GABRR1: variants seen among roughly 807,000 people sequenced by gnomAD.
GABRR1 encodes gamma-aminobutyric acid type A receptor subunit rho1, also known as gamma-aminobutyric acid receptor subunit rho-1.
A neutral mutation model predicts 55.5 loss-of-function variants in GABRR1; 59 were observed. That is an observed-to-expected ratio of 1.06 (90% CI 0.86 to 1.32). The LOEUF is 1.32. Ranked by LOEUF, GABRR1 falls within the 40% of genes most tolerant of loss-of-function variation. The pLI is 0.00. For synonymous variants in GABRR1, 213 were observed against 226.0 expected (o/e 0.94, Z 0.51); for missense variants, 602 against 619.1 (o/e 0.97, Z 0.29).
Position 89,181,946 on chromosome 6 carries a change from A to T in GABRR1, c.908T>A (p.Phe303Tyr). 1 of 1,614,128 alleles carries T rather than the reference A, an allele frequency of 6.2e-7. No homozygotes were observed. Among genetic ancestry groups the T allele is most frequent in the South Asian group, 1.1e-5 (1 of 91,078 alleles). Reference sequence around the variant, plus strand: ...AGGCACGGCTCTGCGGTCGATCCAGAAGGACACCCAGGACAGCATGACCAT... The same window carrying T: ...AGGCACGGCTCTGCGGTCGATCCAGTAGGACACCCAGGACAGCATGACCAT... ...TLMVMLSWVS[F>Y]WIDRRAVPAR... The change falls in exon 8 of 10, where the codon TTC becomes TAC. Residue 303 changes from phenylalanine (F) to tyrosine (Y), a missense_variant. By Grantham distance (22) the Phe-to-Tyr change is conservative. This residue lies in a region of GABRR1 where 435 missense variants were observed against 424.2 expected (regional missense o/e 1.03). Transcript: ENST00000454853.
At chr6:89,220,380 T>C (rs566903419), upstream of GABRR1, among the ~76,000 whole-genome samples, 43 of 152,274 alleles carry the variant, frequency 2.8e-4, no homozygotes, top group South Asian at 6.0e-3. Context: ...ACTTCCTCCA[T>C]CCAGAAGTTC....
At chr6:89,184,866 C>T (rs979832830) in intron 7 of GABRR1, among the ~76,000 whole-genome samples, 9 of 148,320 alleles carry the variant, frequency 6.1e-5, no homozygotes, top group Non-Finnish European at 8.9e-5. Context: ...AGGATTTCTG[C>T]CTTTAGTTTC....
At chr6:89,185,488 G>A (rs364936) in intron 6 of GABRR1, 38 bp from the exon 7 acceptor site, 742,107 of 1,575,326 alleles carry the variant, frequency 0.47, 179,254 homozygotes, top group Middle Eastern at 0.54. Flanking sequence ...ACAAGGTGGT[G>A]GCAAGACAGG....
rs1272996157 is a variant in GABRR1, at chr6:89,229,300, T to C, written c.-411+1916A>G. Among the ~76,000 whole-genome samples the C allele has an allele frequency of 7.2e-5, 11 of 152,196 alleles. 1 individual carries two copies. The highest frequency in any genetic ancestry group is 2.6e-4 in the African/African-American group (11 of 41,526). On this transcript the variant is annotated intron_variant, in intron 1 of 11. Coordinates refer to the GABRR1 transcript ENST00000369451. ...ATTGTTATGTGTGAATTTGATCCTG[T>C]CATTATGATGTTAGCTGGTGATTTT...
At chr6:89,189,512 G>A (rs1021717213) in intron 6 of GABRR1, among the ~76,000 whole-genome samples, 2 of 117,640 alleles carry the variant, frequency 1.7e-5, no homozygotes, top group African/African-American at 6.4e-5. Flanking sequence ...GGACTGTGGT[G>A]GGGTGGGGGG....
upstream of GABRR1, among the ~76,000 whole-genome samples, chr6:89,217,940 C>G (rs1013206950): frequency 4.6e-5 from 7 of 152,156 alleles, no homozygotes; most frequent in African/African-American, 1.7e-4. Flanking sequence ...GGCGCAGAAA[C>G]AAGTAAATTT....
chr6:89,178,918 G>C lies in GABRR1; in HGVS notation c.1292C>G (p.Ser431Ter). 1 of 1,614,198 alleles carries C rather than the reference G, an allele frequency of 6.2e-7. No homozygotes were observed. Among genetic ancestry groups the C allele is most frequent in the African/African-American group, 1.3e-5 (1 of 75,042 alleles). Residue 431 changes from serine to a stop codon, truncating the protein, a stop_gained, in exon 10 of 10, where the codon TCA (serine) becomes TGA (stop). Transcript: ENST00000454853. LOFTEE classifies it high-confidence loss of function. The part of the protein sequence containing the change: ...DRMMVQLTLA[S>*]ERSSPQRKSQ... ...TTTCCTCTGTGGGGAGCTCCTCTCT[G>C]AGGCCAGGGTCAGCTGCACCATCAT...
Position 89,222,737 on chromosome 6 carries a change from A to T in GABRR1, c.-410-1291T>A, listed in dbSNP as rs1011599578. Among the ~76,000 whole-genome samples, 21 of 152,208 alleles carry T rather than the reference A, an allele frequency of 1.4e-4. 1 individual carries two copies. Among genetic ancestry groups the T allele is most frequent in the Non-Finnish European group, 1.5e-5 (1 of 68,036 alleles). ...CTTATTAATTTACGATCATGACAAT[A>T]GGCTTTTTGGAGACTGCCCACCATC... is the stretch of plus-strand genomic sequence containing the variant. On this transcript the variant is annotated intron_variant, in intron 1 of 11. Coordinates refer to the GABRR1 transcript ENST00000369451.
intron 1 of GABRR1, among the ~76,000 whole-genome samples, chr6:89,214,037 C>T (rs1772911755): frequency 6.6e-6 from 1 of 151,732 alleles, no homozygotes; most frequent in Non-Finnish European, 1.5e-5. Flanking sequence ...ATCATGTCAT[C>T]AGCAAACAGC....
intron 1 of GABRR1, among the ~76,000 whole-genome samples, chr6:89,216,518 C>T (rs1772986033): frequency 6.6e-6 from 1 of 152,142 alleles, no homozygotes; most frequent in Non-Finnish European, 1.5e-5. Context: ...TAGACATTGC[C>T]AGTGCTGCCG....
chr6:89,180,188 G>T lies in GABRR1; in HGVS notation c.1146+104C>A. On this transcript the variant is annotated intron_variant, in intron 9 of 9. Transcript: ENST00000454853. ...ACCCTGTGAAGTAGGCACAGGAGAGGGTATCATGACCTTGCTTTACAGAGA... is the reference window on the plus strand; with the variant it reads ...ACCCTGTGAAGTAGGCACAGGAGAGTGTATCATGACCTTGCTTTACAGAGA... 9 of 1,217,938 alleles carry T rather than the reference G, an allele frequency of 7.4e-6. No homozygotes were observed. In the South Asian group the frequency reaches 1.5e-4, roughly 20 times the overall value. 75.4% of individuals were successfully genotyped at this position (1,217,938 alleles called of 1,614,324 possible).
chr6:89,180,300 G>C lies in GABRR1; in HGVS notation c.1138C>G (p.Arg380Gly), dbSNP rs778032711. The change falls in exon 9 of 10, where the codon CGG becomes GGG. Residue 380 changes from arginine (R) to glycine (G), a missense_variant. Physicochemically the swap from Arg to Gly is moderately radical, Grantham distance 125. This residue lies in a region of GABRR1 where 139 missense variants were observed against 141.1 expected (regional missense o/e 0.99). Transcript: ENST00000454853. The part of the protein sequence containing the change: ...TVQERKEQKL[R>G]EKLPCTSGLP... ...GCGCATGGCAAAGTCACCTTCTCCC[G>C]CAGCTTCTGTTCCTTCCTCTCCTGC... 1.2e-6 allele frequency: 2 copies of C among 1,612,490 alleles called. No homozygotes were observed. The highest frequency in any genetic ancestry group is 1.3e-5 in the African/African-American group (1 of 74,750).
At chr6:89,211,860 T>C (rs1458263803) in intron 1 of GABRR1, among the ~76,000 whole-genome samples, 1 of 152,164 alleles carries the variant, frequency 6.6e-6, no homozygotes. Flanking sequence ...CCTTCCTTTA[T>C]CTTCTCCTTA....
At chr6:89,197,919 T>C in intron 5 of GABRR1, 101 bp downstream of exon 5, 1 of 923,672 alleles carries the variant, frequency 1.1e-6, no homozygotes, top group Admixed American at 2.1e-5. Context: ...TGGCAACTAC[T>C]GAAAAGTTAG....
upstream of GABRR1, among the ~76,000 whole-genome samples, chr6:89,220,892 G>T (rs1320730658): frequency 1.3e-5 from 2 of 152,024 alleles, no homozygotes; most frequent in African/African-American, 4.8e-5. Flanking sequence ...AGCTAATTTT[G>T]TATTTTTAGT....
In GABRR1 at chr6:89,182,784, G is replaced by A. The variant is rs569520949; in HGVS notation, c.797-727C>T. Among the ~76,000 whole-genome samples, 10 of 152,206 alleles carry A rather than the reference G, an allele frequency of 6.6e-5. No homozygotes were observed. In the South Asian group the frequency reaches 2.1e-3, roughly 32 times the overall value. ...CCCAGCACTTTGGGAGGCCAAGGCG[G>A]GAGGATTGCTTGAGCTCAGGAGTTC... On this transcript the variant is annotated intron_variant, in intron 7 of 9. Coordinates refer to ENST00000454853, the MANE Select transcript of GABRR1 (RefSeq NM_002042.5).
At chr6:89,186,302 G>A (rs1771898284) in intron 6 of GABRR1, among the ~76,000 whole-genome samples, 1 of 152,232 alleles carries the variant, frequency 6.6e-6, no homozygotes. Context: ...TTTTGTAGAT[G>A]TGACTAATAT....
upstream of GABRR1, chr6:89,217,691 G>GAA (rs1461640555): frequency 5.1e-6 from 1 of 195,642 alleles, no homozygotes; most frequent in Non-Finnish European, 1.1e-5. Context: ...TTTCCAAGAG[G>GAA]AGTAAGGCCA....
At chr6:89,200,795 G>C (rs976908910) in intron 3 of GABRR1, among the ~76,000 whole-genome samples, 4 of 152,156 alleles carry the variant, frequency 2.6e-5, no homozygotes, top group Admixed American at 2.6e-4. Context: ...CCAGCTCCCA[G>C]ATGACAACAA....
Sources: allele counts gnomAD v4.1 joint callset (sites outside exome capture counted in the v4.1 genomes callset), GRCh38; gene constraint gnomAD v4.1.1; regional missense constraint gnomAD v4.1.1; transcripts MANE v1.5; gene names NCBI Gene and HGNC (gene_info 2026-07-23, HGNC 2026-07-21).